The following ANKRD13B variants were observed in gnomAD, a reference collection of about 807,000 sequenced individuals.
ANKRD13B encodes the protein ankyrin repeat domain 13B.
In ANKRD13B, 33 loss-of-function variants were observed where a neutral mutation model predicts 74.4. The ratio of observed to expected loss-of-function variants is 0.44; its 90% CI spans 0.34 to 0.59. The LOEUF is 0.59. Ranked by LOEUF, ANKRD13B falls within the 20% of genes least tolerant of loss-of-function variation. The probability of loss-of-function intolerance (pLI) is 0.02; values close to 1 mark genes in which losing one functional copy is unlikely to be tolerated. For missense variants in ANKRD13B, 676 were observed against 877.9 expected, an observed-to-expected ratio of 0.77 and a Z score of 2.91; for synonymous variants, 341 against 362.9, an observed-to-expected ratio of 0.94 and a Z score of 0.68.
intron 1 of ANKRD13B, among the ~76,000 whole-genome samples, chr17:29,600,961 G>C (rs991256151): frequency 2.7e-5 from 3 of 110,392 alleles, no homozygotes; most frequent in African/African-American, 1.1e-4. Flanking sequence ...GTCTGGCTTT[G>C]TTGCCTAGGC....
At chr17:29,610,434 GTTT>G (rs2034542999) in intron 7 of ANKRD13B, among the ~76,000 whole-genome samples, 1 of 152,160 alleles carries the variant, frequency 6.6e-6, no homozygotes, top group African/African-American at 2.4e-5. Context: ...CAGGGATCAT[GTTT>G]GGCTTGTTTA....
rs2034454622 is a variant in ANKRD13B at position 29,608,131 on chromosome 17, C to CCT, written c.375+21_375+22insCT. On this transcript the variant is annotated intron_variant, in intron 3 of 14. Transcript: ENST00000394859. This position sits in a 1 kb window ranked among gnomAD's most constrained non-coding sequence, Gnocchi z 6.4. Reference sequence around the variant, plus strand: ...GCAAGGTGAGGCCCAGCCTCTCAGCCTCCACGGGAGCCCTTGAGCCCTTCT... The same window carrying CCT: ...GCAAGGTGAGGCCCAGCCTCTCAGCCCTTCCACGGGAGCCCTTGAGCCCTTCT... The CCT allele has an allele frequency of 6.2e-7, 1 of 1,613,672 alleles. No individual in the cohort carries two copies. The highest frequency in any genetic ancestry group is 8.5e-7 in the Non-Finnish European group (1 of 1,179,786).
Position 29,608,415 on chromosome 17 carries a change from T to G in ANKRD13B, c.421+175T>G, listed in dbSNP as rs1286782082. Among the ~76,000 whole-genome samples, 1 of 152,194 alleles carries G rather than the reference T, an allele frequency of 6.6e-6. No individual in the cohort carries two copies. Among genetic ancestry groups the G allele is most frequent in the African/African-American group, 2.4e-5 (1 of 41,458 alleles). ...AGATTGCCCCAGATACTGTCTTGAC[T>G]CCATTATTATTCTCTTCACTCTGTC... is the stretch of plus-strand genomic sequence containing the variant. On this transcript the variant is annotated intron_variant, in intron 4 of 14. Transcript: ENST00000394859. This position sits in a 1 kb window ranked among gnomAD's most constrained non-coding sequence, Gnocchi z 6.4.
chr17:29,594,328 G>T (rs1239195598), intron 1 of ANKRD13B, among the ~76,000 whole-genome samples: 1 of 152,240 alleles, frequency 6.6e-6, no homozygotes, highest in Non-Finnish European at 1.5e-5. Context: ...GTGCTGAAAA[G>T]CGCTCTCCTG....
intron 1 of ANKRD13B, among the ~76,000 whole-genome samples, chr17:29,603,138 C>A (rs539530876): frequency 6.6e-6 from 1 of 152,006 alleles, no homozygotes; most frequent in African/African-American, 2.4e-5. Flanking sequence ...CGTGAGCCAC[C>A]GCACCCGGCC....
Position 29,593,593 on chromosome 17 carries a change from C to G in ANKRD13B, c.-29C>G, listed in dbSNP as rs2033841653. On this transcript the variant is annotated 5_prime_UTR_variant, in exon 1 of 15. Coordinates refer to ENST00000394859, the MANE Select transcript of ANKRD13B (RefSeq NM_152345.5). ...GCGCCGTCCCTCCTCCCCGGCCGGG[C>G]GCCGCGGCCCCGGCATGAGGAGCGG... is the stretch of plus-strand genomic sequence containing the variant. The G allele has an allele frequency of 5.1e-6, 6 of 1,174,740 alleles. No individual in the cohort carries two copies. The highest frequency in any genetic ancestry group is 5.4e-6 in the Non-Finnish European group (5 of 932,678). The allele number at this position is 1,174,740 out of a possible 1,614,324, so 72.8% of individuals were successfully genotyped here.
chr17:29,603,374 G>T (rs2034250624), intron 1 of ANKRD13B, among the ~76,000 whole-genome samples: 1 of 152,176 alleles, frequency 6.6e-6, no homozygotes, highest in Non-Finnish European at 1.5e-5. Flanking sequence ...CAGAGGAGCT[G>T]GGACTACAGC....
intron 1 of ANKRD13B, among the ~76,000 whole-genome samples, chr17:29,598,589 C>T (rs1314659234): frequency 1.3e-5 from 2 of 148,468 alleles, no homozygotes; most frequent in Non-Finnish European, 3.0e-5. Flanking sequence ...CACTCTGTCA[C>T]CCAGGCTGGA....
At chr17:29,613,099 C>A (rs1244936474) in intron 14 of ANKRD13B, 136 bp downstream of exon 14, 33 of 1,282,010 alleles carry the variant, frequency 2.6e-5, no homozygotes, top group Non-Finnish European at 3.3e-5. Flanking sequence ...ACCACTCCTG[C>A]CTCCGAGGCG....
Position 29,612,931 on chromosome 17 carries a change from C to T in ANKRD13B, c.1620C>T (p.His540=), listed in dbSNP as rs751628705. 9 of 1,598,296 alleles carry T rather than the reference C, an allele frequency of 5.6e-6. No individual in the cohort carries two copies. In the Middle Eastern group the frequency reaches 4.9e-4, roughly 88 times the overall value. The stretch of plus-strand genomic sequence containing the variant: ...TAACCAACAGCAAGCCAGGCACCCA[C>T]CCCATGTCCTACGAGGGTCGCCGAC... ...EALTNSKPGT[H]PMSYEGRRQD... is the part of the protein sequence containing the mutation. Residue 540 remains histidine (H), a synonymous_variant, in exon 14 of 15, where the codon CAC becomes CAT. Coordinates refer to ENST00000394859, the MANE Select transcript of ANKRD13B (RefSeq NM_152345.5). The surrounding 1 kb of genome is among the most constrained non-coding windows in gnomAD (Gnocchi z 6.1).
Position 29,611,772 on chromosome 17 carries a change from C to G in ANKRD13B, c.970-104C>G. ...CACAATGCCCAAGGCCATGTCAGCG[C>G]CACACTGGCAGAGGGGACAGCTTGG... On this transcript the variant is annotated intron_variant, in intron 9 of 14. Transcript: ENST00000394859. The surrounding 1 kb of genome is among the most constrained non-coding windows in gnomAD (Gnocchi z 4.3). The G allele has an allele frequency of 6.4e-7, 1 of 1,568,900 alleles. No individual in the cohort carries two copies. The highest frequency in any genetic ancestry group is 1.2e-5 in the South Asian group (1 of 86,212).
intron 1 of ANKRD13B, among the ~76,000 whole-genome samples, chr17:29,603,257 A>G (rs1248763097): frequency 6.6e-6 from 1 of 151,780 alleles, no homozygotes; most frequent in Non-Finnish European, 1.5e-5. Context: ...ATGAGGCTCC[A>G]TAGAGACAGG....
At chr17:29,607,718 C>T (rs2150894658) in intron 1 of ANKRD13B, 24 bp from the exon 2 acceptor site, 1 of 1,588,694 alleles carries the variant, frequency 6.3e-7, no homozygotes. Flanking sequence ...GGGGCTTTAT[C>T]TTCCACTCCT....
intron 2 of ANKRD13B, 50 bp from the exon 3 acceptor site, chr17:29,607,936 A>G (rs1598611825): frequency 1.3e-6 from 2 of 1,578,964 alleles, no homozygotes; most frequent in East Asian, 2.3e-5. Context: ...TCATAGACCT[A>G]TGGTTGGCTG....
At position 29,609,163 on chromosome 17, in the gene ANKRD13B, G is replaced by A; in HGVS notation, c.643G>A (p.Asp215Asn). The change falls in exon 6 of 15, where the codon GAC becomes AAC. Residue 215 changes from aspartate (D) to asparagine (N), a missense_variant. Physicochemically the swap from Asp to Asn is conservative, Grantham distance 23. Around this residue, in one of 4 missense-constraint regions of ANKRD13B, gnomAD observed 328 missense variants for 518.4 expected, o/e 0.63. Coordinates refer to ENST00000394859, the MANE Select transcript of ANKRD13B (RefSeq NM_152345.5). The surrounding 1 kb of genome is among the most constrained non-coding windows in gnomAD (Gnocchi z 4.0). ...AGAGACTCTGGCACTGGCTGGGCAG[G>A]ACCGGGAGCTGCTGCTGGCTGCTGC... ...YTETLALAGQ[D>N]RELLLAAAQP... 6.2e-7 allele frequency: 1 copy of A among 1,612,428 alleles called. No individual in the cohort carries two copies. The highest frequency in any genetic ancestry group is 8.5e-7 in the Non-Finnish European group (1 of 1,180,044).
At position 29,613,643 on chromosome 17, in the gene ANKRD13B, C is replaced by A; in HGVS notation, c.*61C>A. On this transcript the variant is annotated 3_prime_UTR_variant, in exon 15 of 15. Coordinates refer to ENST00000394859, the MANE Select transcript of ANKRD13B (RefSeq NM_152345.5). ...GCCACGCCCAGGGCCAGGAGCCAGA[C>A]AAACCCCGGCCTGCGCGCCTGCAGA... 2.2e-6 allele frequency: 3 copies of A among 1,380,398 alleles called. No individual in the cohort carries two copies. The highest frequency in any genetic ancestry group is 1.5e-5 in the African/African-American group (1 of 65,628). 85.5% of individuals were successfully genotyped at this position (1,380,398 alleles called of 1,614,324 possible). A position where few individuals can be genotyped will look rare whatever the true frequency, so the allele number is the denominator to read the frequency against.
Position 29,611,949 on chromosome 17 carries a change from T to C in ANKRD13B, c.1043T>C (p.Phe348Ser), listed in dbSNP as rs1369371298. ...ITAEEYFNPN[F>S]ELGNRDMGRP... Reference sequence around the variant, plus strand: ...GCAGAAGAATACTTCAACCCCAACTTTGAGCTGGGCAACCGTGATATGGGC... The same window carrying C: ...GCAGAAGAATACTTCAACCCCAACTCTGAGCTGGGCAACCGTGATATGGGC... The change falls in exon 10 of 15, where the codon TTT (phenylalanine) becomes TCT (serine). Residue 348 changes from phenylalanine to serine, a missense_variant. By Grantham distance (155) the Phe-to-Ser change is radical (BLOSUM62 -2). Transcript: ENST00000394859. The surrounding 1 kb of genome is among the most constrained non-coding windows in gnomAD (Gnocchi z 4.3). 3.1e-6 allele frequency: 5 copies of C among 1,613,788 alleles called. No individual in the cohort carries two copies. Among genetic ancestry groups the C allele is most frequent in the Admixed American group, 1.7e-5 (1 of 59,980 alleles).
At position 29,610,784 on chromosome 17, in the gene ANKRD13B, G is replaced by A. The variant is rs769707849; in HGVS notation, c.904+18G>A. 3 of 1,612,770 alleles carry A rather than the reference G, an allele frequency of 1.9e-6. No homozygotes were observed. The African/African-American group carries it at 4.0e-5, about 22-fold the overall frequency. On this transcript the variant is annotated intron_variant, in intron 8 of 14. Transcript: ENST00000394859. ...GGTCAAAGGTAATGAGGCAGAGCTG[G>A]ATGGGGAGAGGTGTTGCAGGACTGC...
In ANKRD13B at chr17:29,600,543, C is replaced by T. The variant is rs930960224; in HGVS notation, c.114+6808C>T. Among the ~76,000 whole-genome samples, 4 of 152,236 alleles carry T rather than the reference C, an allele frequency of 2.6e-5. No individual in the cohort carries two copies. In the East Asian group the frequency reaches 5.8e-4, roughly 22 times the overall value. ...GCTCCTGAGTCCAGAGCATCTCATG[C>T]CCAATTTCTACAAAGAATAAACCCC... On this transcript the variant is annotated intron_variant, in intron 1 of 14. Coordinates refer to ENST00000394859, the MANE Select transcript of ANKRD13B (RefSeq NM_152345.5).
Sources: gnomAD v4.1 joint callset for allele counts (sites outside exome capture counted in the v4.1 genomes callset) on GRCh38, gnomAD v4.1.1 for gene constraint, gnomAD v4.1.1 regional missense constraint, Gnocchi (gnomAD v3.1) non-coding constraint, MANE v1.5 for transcripts, NCBI Gene and HGNC (gene_info 2026-07-23, HGNC 2026-07-21) for gene names.